Variants in DIAPH3 observed in about 807,000 individuals in gnomAD.
DIAPH3 encodes the protein protein diaphanous homolog 3.
In DIAPH3, 117 loss-of-function variants were observed where a neutral mutation model predicts 144.3. The observed-to-expected ratio is 0.81, with a 90% CI of 0.70 to 0.95. The LOEUF (loss-of-function observed/expected upper bound fraction) is 0.95. DIAPH3 is among the 40% of genes least tolerant of loss of function. The probability of loss-of-function intolerance (pLI) is 0.00; values close to 1 mark genes in which losing one functional copy is unlikely to be tolerated. For synonymous variants in DIAPH3, 519 were observed against 488.9 expected (o/e 1.06, Z -0.81); for missense variants, 1,421 against 1,412.7 (o/e 1.01, Z -0.09).
chr13:59,903,665 CT>C (rs961706762), intron 20 of DIAPH3, among the ~76,000 whole-genome samples: 1 of 150,900 alleles, frequency 6.6e-6, no homozygotes, highest in Non-Finnish European at 1.5e-5. Flanking sequence ...TCTTGGTCTA[CT>C]TTTGAATTAA....
intron 17 of DIAPH3, among the ~76,000 whole-genome samples, chr13:59,968,982 T>C (rs1016209097): frequency 4.6e-5 from 7 of 152,152 alleles, no homozygotes; most frequent in African/African-American, 1.7e-4. Flanking sequence ...AGCCCAGGGA[T>C]ATAGGTGGCA....
intron 17 of DIAPH3, among the ~76,000 whole-genome samples, chr13:59,951,365 C>T (rs1043542256): frequency 6.6e-6 from 1 of 152,134 alleles, no homozygotes; most frequent in Non-Finnish European, 1.5e-5. Flanking sequence ...CCTGAGACCT[C>T]CCAGGCCATG....
chr13:60,018,402 C>T (rs1320445041), intron 5 of DIAPH3, among the ~76,000 whole-genome samples: 4 of 151,968 alleles, frequency 2.6e-5, no homozygotes, highest in Non-Finnish European at 5.9e-5. Flanking sequence ...AACACAAATC[C>T]ATGTAAATCA....
At chr13:60,066,784 A>G (rs1461804798) in intron 4 of DIAPH3, among the ~76,000 whole-genome samples, 8 of 152,162 alleles carry the variant, frequency 5.3e-5, no homozygotes, top group African/African-American at 1.7e-4. Context: ...TCTAAAACAG[A>G]TATTTATTTT....
intron 18 of DIAPH3, among the ~76,000 whole-genome samples, chr13:59,919,284 C>CA (rs1381979218): frequency 6.6e-6 from 1 of 151,714 alleles, no homozygotes; most frequent in East Asian, 1.9e-4. Flanking sequence ...TCCAAACCTG[C>CA]AAAAAGATAT....
chr13:60,024,811 A>T (rs73547771), intron 5 of DIAPH3, among the ~76,000 whole-genome samples: 221 of 152,314 alleles, frequency 1.5e-3, no homozygotes, highest in African/African-American at 5.2e-3. Context: ...GTGGAAACAG[A>T]AGTCCAAGAG....
At chr13:59,919,552 C>T (rs2047410724) in intron 18 of DIAPH3, among the ~76,000 whole-genome samples, 1 of 152,034 alleles carries the variant, frequency 6.6e-6, no homozygotes, top group South Asian at 2.1e-4. Context: ...GAATACTTTA[C>T]CGTCAAAATT....
intron 17 of DIAPH3, among the ~76,000 whole-genome samples, chr13:59,956,095 A>C (rs1200368127): frequency 2.0e-5 from 3 of 152,216 alleles, no homozygotes; most frequent in Non-Finnish European, 4.4e-5. Flanking sequence ...TAGAGCATAG[A>C]AGTTCAAAAA....
intron 1 of DIAPH3, among the ~76,000 whole-genome samples, chr13:60,159,625 C>CAAAA (rs57606784): frequency 1.7e-5 from 2 of 120,070 alleles, no homozygotes; most frequent in Non-Finnish European, 1.8e-5. Flanking sequence ...CTTTGTCTCA[C>CAAAA]AAAAAAAAAA....
intron 25 of DIAPH3, among the ~76,000 whole-genome samples, chr13:59,802,936 G>A (rs917338092): frequency 1.1e-4 from 16 of 150,598 alleles, no homozygotes; most frequent in Non-Finnish European, 1.9e-4. Flanking sequence ...CACCCGCCTC[G>A]GCCTCCCAAA....
chr13:59,841,522 A>C (rs1366445978), intron 22 of DIAPH3, among the ~76,000 whole-genome samples: 1 of 152,108 alleles, frequency 6.6e-6, no homozygotes, highest in Non-Finnish European at 1.5e-5. Flanking sequence ...TGATCCCAGA[A>C]GTTTGAAGCT....
chr13:60,091,568 G>T (rs1008074467), intron 4 of DIAPH3, among the ~76,000 whole-genome samples: 9 of 151,856 alleles, frequency 5.9e-5, no homozygotes, highest in Admixed American at 5.9e-4. Context: ...AATTACATGC[G>T]TGAGCCACCA....
intron 12 of DIAPH3, among the ~76,000 whole-genome samples, chr13:59,990,404 G>A (rs976040274): frequency 6.6e-6 from 1 of 151,834 alleles, no homozygotes; most frequent in African/African-American, 2.4e-5. Context: ...CAAAGTATAA[G>A]AGAATGAAAT....
At chr13:59,679,202 T>C (rs990760363) in intron 27 of DIAPH3, among the ~76,000 whole-genome samples, 2 of 152,216 alleles carry the variant, frequency 1.3e-5, no homozygotes, top group Non-Finnish European at 2.9e-5. Flanking sequence ...ACTTCAGTTA[T>C]TTTTTTGCAA....
chr13:59,856,997 C>G (rs948194549), intron 22 of DIAPH3, among the ~76,000 whole-genome samples: 1 of 151,944 alleles, frequency 6.6e-6, no homozygotes, highest in African/African-American at 2.4e-5. Flanking sequence ...GAGGCCCCAA[C>G]CTACAACCTC....
chr13:60,004,868 A>C (rs2140914028), intron 9 of DIAPH3, among the ~76,000 whole-genome samples: 1 of 152,340 alleles, frequency 6.6e-6, no homozygotes, highest in Middle Eastern at 3.4e-3. Context: ...ATATATTGGC[A>C]AAAATTTTTC....
intron 26 of DIAPH3, 92 bp from the exon 27 acceptor site, chr13:59,774,340 T>G: frequency 2.8e-6 from 3 of 1,088,162 alleles, no homozygotes; most frequent in Non-Finnish European, 4.0e-6. Flanking sequence ...TCCAAGGTTA[T>G]GTATTTCTGG....
chr13:59,839,099 T>A (rs558997697), intron 23 of DIAPH3: 29 of 387,210 alleles, frequency 7.5e-5, no homozygotes, highest in African/African-American at 3.7e-4. Flanking sequence ...TTTCAAAAAA[T>A]AAATAAATAA....
At chr13:60,086,058 C>G (rs1247072826) in intron 4 of DIAPH3, among the ~76,000 whole-genome samples, 1 of 151,892 alleles carries the variant, frequency 6.6e-6, no homozygotes. Flanking sequence ...TCTGATGAAG[C>G]CTTTTTTAAA....
Sources: gnomAD v4.1 joint callset for allele counts (sites outside exome capture counted in the v4.1 genomes callset) on GRCh38, gnomAD v4.1.1 for gene constraint, MANE v1.5 for transcripts, NCBI Gene and HGNC (gene_info 2026-07-23, HGNC 2026-07-21) for gene names.